KANK1: variants seen among roughly 807,000 people sequenced by gnomAD.
The protein encoded by KANK1 is KN motif and ankyrin repeat domains 1, also known as KN motif and ankyrin repeat domain-containing protein 1.
In KANK1, 109 loss-of-function variants were observed where a neutral mutation model predicts 106.2. The ratio of observed to expected loss-of-function variants is 1.03; its 90% CI spans 0.88 to 1.20. KANK1 has a LOEUF of 1.20. Among genes scored for constraint, KANK1 ranks in the 50% most tolerant of loss-of-function variants. The probability of loss-of-function intolerance (pLI) is 0.00; values close to 1 mark genes in which losing one functional copy is unlikely to be tolerated. For missense variants in KANK1, 2,399 were observed against 1,710.7 expected (o/e 1.40, Z -7.10); for synonymous variants, 873 against 652.2 (o/e 1.34, Z -5.16).
intron 1 of KANK1, among the ~76,000 whole-genome samples, chr9:534,784 A>C (rs1315396253): frequency 6.6e-6 from 1 of 152,238 alleles, no homozygotes; most frequent in Admixed American, 6.5e-5. Flanking sequence ...AAGCACCAAC[A>C]CTAAAACATG....
In KANK1 at chr9:745,908, C is replaced by G. The variant is rs902424241; in HGVS notation, c.*673C>G. On this transcript the variant is annotated 3_prime_UTR_variant, in exon 12 of 12. Coordinates refer to ENST00000382297, the MANE Select transcript of KANK1 (RefSeq NM_015158.5). ...GTAACATCATCATTTGTATTAATTGCACAACTCCAATGCTAAAGGTTGGAT... is the reference window on the plus strand; with the variant it reads ...GTAACATCATCATTTGTATTAATTGGACAACTCCAATGCTAAAGGTTGGAT... The G allele has an allele frequency of 6.6e-6, 1 of 152,618 alleles. No homozygotes were observed. Among genetic ancestry groups the G allele is most frequent in the African/African-American group, 2.4e-5 (1 of 41,426 alleles). The allele number at this position is 152,618 out of a possible 1,614,324, so 9.5% of individuals were successfully genotyped here. A position where few individuals can be genotyped will look rare whatever the true frequency, so the allele number is the denominator to read the frequency against.
At chr9:719,738 G>A (rs571010765) in intron 3 of KANK1, among the ~76,000 whole-genome samples, 1 of 151,880 alleles carries the variant, frequency 6.6e-6, no homozygotes, top group Admixed American at 6.6e-5. Flanking sequence ...CTCTAGTTTT[G>A]GGTGATTTTT....
At chr9:590,945 A>G (rs891571469) in intron 1 of KANK1, among the ~76,000 whole-genome samples, 6 of 152,006 alleles carry the variant, frequency 3.9e-5, no homozygotes, top group Non-Finnish European at 8.8e-5. Flanking sequence ...TTACAGTTCC[A>G]TCACCAGTAT....
chr9:556,460 A>G (rs952682659), intron 1 of KANK1, among the ~76,000 whole-genome samples: 3 of 152,206 alleles, frequency 2.0e-5, no homozygotes, highest in South Asian at 2.1e-4. Flanking sequence ...GGAGTTAGCC[A>G]TGATCATTTT....
At chr9:647,395 G>A (rs142888319) in intron 1 of KANK1, among the ~76,000 whole-genome samples, 1 of 150,854 alleles carries the variant, frequency 6.6e-6, no homozygotes, top group Non-Finnish European at 1.5e-5. Context: ...TGACATATGA[G>A]AAATAAATAA....
intron 1 of KANK1, among the ~76,000 whole-genome samples, chr9:596,839 G>C (rs1183324810): frequency 2.6e-5 from 4 of 151,578 alleles, no homozygotes; most frequent in Non-Finnish European, 5.9e-5. Flanking sequence ...CCTCTCTCTA[G>C]TTCCAAAACA....
chr9:674,379 T>A (rs1184847057), intron 1 of KANK1: 1 of 86,568 alleles, frequency 1.2e-5, no homozygotes, highest in African/African-American at 6.8e-5. Context: ...TCAGAAGCAA[T>A]CTGTTTAAAA....
intron 1 of KANK1, among the ~76,000 whole-genome samples, chr9:611,647 C>A (rs1448744182): frequency 6.6e-6 from 1 of 152,122 alleles, no homozygotes; most frequent in African/African-American, 2.4e-5. Context: ...ATGACAGTGT[C>A]ATTCTATTTT....
chr9:601,311 C>G (rs567164588), intron 1 of KANK1, among the ~76,000 whole-genome samples: 22 of 151,910 alleles, frequency 1.4e-4, no homozygotes, highest in African/African-American at 5.3e-4. Context: ...AGCATTCTAT[C>G]CAGTTTTCCG....
intron 2 of KANK1, among the ~76,000 whole-genome samples, chr9:679,541 C>T (rs889075229): frequency 4.6e-5 from 7 of 152,208 alleles, no homozygotes; most frequent in South Asian, 2.1e-4. Flanking sequence ...CAGCCTCCCA[C>T]GCAGCTGGGA....
intron 2 of KANK1, 106 bp downstream of exon 2, chr9:677,115 T>C: frequency 9.5e-7 from 1 of 1,049,212 alleles, no homozygotes; most frequent in Non-Finnish European, 1.4e-6. Flanking sequence ...CCTAGATAAC[T>C]AGGATTTCAA....
chr9:652,597 C>A (rs1588595146), intron 1 of KANK1, among the ~76,000 whole-genome samples: 1 of 152,086 alleles, frequency 6.6e-6, no homozygotes, highest in African/African-American at 2.4e-5. Context: ...TCAAATGAGA[C>A]AAAGATGAAA....
chr9:603,757 A>G (rs936025284), intron 1 of KANK1, among the ~76,000 whole-genome samples: 1 of 151,450 alleles, frequency 6.6e-6, no homozygotes, highest in South Asian at 2.1e-4. Flanking sequence ...GGAGTCCGAG[A>G]CCAGTCTGGC....
At chr9:643,536 CT>C (rs1838951624) in intron 1 of KANK1, among the ~76,000 whole-genome samples, 1 of 113,082 alleles carries the variant, frequency 8.8e-6, no homozygotes, top group East Asian at 2.4e-4. Context: ...TGCTTTTTTT[CT>C]TTTTGATTTT....
chr9:556,706 C>G (rs1182108385), intron 1 of KANK1, among the ~76,000 whole-genome samples: 2 of 152,080 alleles, frequency 1.3e-5, no homozygotes, highest in Non-Finnish European at 2.9e-5. Flanking sequence ...TTCTCTCTAG[C>G]TCTTGCCCTG....
Position 559,680 on chromosome 9 carries a change from T to C in KANK1, c.-84+54926T>C, listed in dbSNP as rs76282229. Among the ~76,000 whole-genome samples the C allele has an allele frequency of 2.9e-4, 44 of 152,324 alleles. No individual in the cohort carries two copies. The East Asian group carries it at 8.1e-3, about 28-fold the overall frequency. On this transcript the variant is annotated intron_variant, in intron 1 of 11. Transcript: ENST00000382297. ...AAAAGACGGAAAAGACAAACAGATA[T>C]TTTTCAGAAATGAAAAACATGTACA...
At chr9:571,951 T>C (rs904988679) in intron 1 of KANK1, among the ~76,000 whole-genome samples, 11 of 152,170 alleles carry the variant, frequency 7.2e-5, no homozygotes, top group African/African-American at 2.7e-4. Flanking sequence ...ATTCCCAGGT[T>C]ACTTGTGGGT....
chr9:593,412 A>AT (rs1199552609), intron 1 of KANK1, among the ~76,000 whole-genome samples: 2 of 150,524 alleles, frequency 1.3e-5, no homozygotes, highest in Admixed American at 6.6e-5. Flanking sequence ...ACTTTCAGAC[A>AT]TTTTTTATGC....
At position 712,941 on chromosome 9, in the gene KANK1, G is replaced by C. The variant is rs1010681034; in HGVS notation, c.2175G>C (p.Lys725Asn). 3.1e-6 allele frequency: 5 copies of C among 1,614,060 alleles called. No homozygotes were observed. The highest frequency in any genetic ancestry group is 4.2e-6 in the Non-Finnish European group (5 of 1,180,050). ...TAGCTGTAGGAGAAGGCCGTGTCAA[G>C]GACATCAACTCCTCCACCAAGACGC... is the stretch of plus-strand genomic sequence containing the variant. ...RTVAVGEGRV[K>N]DINSSTKTRS... The change falls in exon 3 of 12, where the codon AAG becomes AAC. Residue 725 changes from lysine to asparagine, a missense_variant. Coordinates refer to ENST00000382297, the MANE Select transcript of KANK1 (RefSeq NM_015158.5).
Sources: allele counts gnomAD v4.1 joint callset (sites outside exome capture counted in the v4.1 genomes callset), GRCh38; gene constraint gnomAD v4.1.1; transcripts MANE v1.5; gene names NCBI Gene and HGNC (gene_info 2026-07-23, HGNC 2026-07-21).